Variants in ETF1 observed in about 807,000 individuals in gnomAD.
ETF1 encodes eukaryotic translation termination factor 1.
Under a neutral mutation model 55.1 loss-of-function variants are expected in ETF1, and 4 were observed. That is an observed-to-expected ratio of 0.07 (90% confidence interval 0.04 to 0.17). The LOEUF (loss-of-function observed/expected upper bound fraction) is 0.17, where lower values mean the gene tolerates loss of function less well. Among genes scored for constraint, ETF1 ranks in the 10% least tolerant of loss-of-function variants. The probability of loss-of-function intolerance (pLI) is 1.00; values close to 1 mark genes in which losing one functional copy is unlikely to be tolerated. For missense variants in ETF1, 142 were observed against 523.6 expected, an observed-to-expected ratio of 0.27 and a Z score of 7.11; for synonymous variants, 157 against 182.3, an observed-to-expected ratio of 0.86 and a Z score of 1.12.
intron 2 of ETF1, among the ~76,000 whole-genome samples, chr5:138,537,615 T>A (rs958246634): frequency 6.6e-6 from 1 of 152,164 alleles, no homozygotes; most frequent in African/African-American, 2.4e-5. Flanking sequence ...TGAGATGGAA[T>A]CTTGCTCTGT....
rs1448066661 is a variant in ETF1 at position 138,506,099 on chromosome 5, C to A, written c.*2206G>T. 3 of 152,580 alleles carry A rather than the reference C, an allele frequency of 2.0e-5. No individual in the cohort carries two copies. The highest frequency in any genetic ancestry group is 7.2e-5 in the African/African-American group (3 of 41,430). The allele number at this position is 152,580 out of a possible 1,614,324, so 9.5% of individuals were successfully genotyped here. A position where few individuals can be genotyped will look rare whatever the true frequency, so the allele number is the denominator to read the frequency against. ...AAATCTCAAGCACACAAAGTATATT[C>A]TTAAATATGGTTTAATACTCTTCTC... On this transcript the variant is annotated 3_prime_UTR_variant, in exon 11 of 11. Coordinates refer to ENST00000360541, the MANE Select transcript of ETF1 (RefSeq NM_004730.4).
chr5:138,518,402 G>C (rs1018807909), intron 3 of ETF1, among the ~76,000 whole-genome samples: 2 of 151,846 alleles, frequency 1.3e-5, no homozygotes, highest in Admixed American at 1.3e-4. Context: ...GTAGAGACAG[G>C]GTTTCACACC....
At position 138,542,940 on chromosome 5, in the gene ETF1, G is replaced by A. The variant is rs750592598; in HGVS notation, c.-18-4C>T. 28 of 1,612,758 alleles carry A rather than the reference G, an allele frequency of 1.7e-5. No homozygotes were observed. Among genetic ancestry groups the A allele is most frequent in the Non-Finnish European group, 2.3e-5 (27 of 1,179,586 alleles). ...CCATCTTCTCGCCTCCTCCTCCCTA[G>A]AGCGGCCCGGCGGGGCCCGGAGACA... On this transcript the variant is annotated splice_region_variant and splice_polypyrimidine_tract_variant and intron_variant, in intron 1 of 10. Transcript: ENST00000360541.
chr5:138,519,269 G>C (rs1434526462), intron 2 of ETF1: 29 of 822,498 alleles, frequency 3.5e-5, no homozygotes, highest in Non-Finnish European at 4.3e-5. Context: ...ATGATGCAAT[G>C]AGTCTTTCCA....
chr5:138,537,351 G>A (rs1168267690), intron 2 of ETF1, among the ~76,000 whole-genome samples: 1 of 152,168 alleles, frequency 6.6e-6, no homozygotes, highest in Non-Finnish European at 1.5e-5. Context: ...AAAGGAAAGA[G>A]CTAACATTAC....
At chr5:138,510,539 A>G (rs1174896103) in intron 9 of ETF1, 26 bp downstream of exon 9, 4 of 1,578,866 alleles carry the variant, frequency 2.5e-6, no homozygotes, top group Non-Finnish European at 3.5e-6. Context: ...TGCACGTATC[A>G]TCAAACCAAG....
chr5:138,542,695 G>T, intron 2 of ETF1, 138 bp downstream of exon 2: 1 of 1,487,766 alleles, frequency 6.7e-7, no homozygotes, highest in Non-Finnish European at 8.9e-7. Flanking sequence ...CCTGGGTCAG[G>T]GGCTACTACC....
intron 2 of ETF1, among the ~76,000 whole-genome samples, chr5:138,540,940 T>C (rs951263999): frequency 6.6e-6 from 1 of 152,214 alleles, no homozygotes; most frequent in Admixed American, 6.5e-5. Context: ...TATTAAGCAA[T>C]GTCATCTTCA....
At chr5:138,522,874 C>A (rs1056884322) in intron 2 of ETF1, among the ~76,000 whole-genome samples, 1 of 151,764 alleles carries the variant, frequency 6.6e-6, no homozygotes, top group African/African-American at 2.4e-5. Context: ...GGCGCAGTGG[C>A]AGGCGCCTGT....
intron 2 of ETF1, among the ~76,000 whole-genome samples, chr5:138,536,947 T>C (rs149807719): frequency 5.3e-5 from 8 of 152,202 alleles, no homozygotes; most frequent in Non-Finnish European, 1.2e-4. Context: ...AATTATGTAC[T>C]CTTGCTTACC....
intron 2 of ETF1, among the ~76,000 whole-genome samples, chr5:138,539,700 G>T (rs1412115507): frequency 1.3e-5 from 2 of 152,180 alleles, no homozygotes; most frequent in East Asian, 3.8e-4. Context: ...AGAATGCTAT[G>T]AAGTTCCCCA....
chr5:138,509,125 C>T, intron 9 of ETF1: 4 of 985,202 alleles, frequency 4.1e-6, no homozygotes, highest in Non-Finnish European at 4.8e-6. Context: ...GTTGTAGTGT[C>T]TCTAAGCAGC....
At chr5:138,510,518 G>A (rs762254263) in intron 9 of ETF1, 47 bp downstream of exon 9, 5 of 1,442,060 alleles carry the variant, frequency 3.5e-6, no homozygotes, top group East Asian at 4.5e-5. Context: ...TCTAACACAC[G>A]GATTTACGCT....
chr5:138,533,852 C>T (rs1208839955), intron 2 of ETF1, among the ~76,000 whole-genome samples: 1 of 152,140 alleles, frequency 6.6e-6, no homozygotes, highest in Non-Finnish European at 1.5e-5. Flanking sequence ...CAAAACCAAC[C>T]CTTATGAAGT....
At chr5:138,528,781 A>G (rs978514732) in intron 2 of ETF1, among the ~76,000 whole-genome samples, 1 of 152,142 alleles carries the variant, frequency 6.6e-6, no homozygotes, top group East Asian at 1.9e-4. Context: ...AGATTATTAA[A>G]TGGATGGCTT....
At chr5:138,535,012 C>T (rs1765859339) in intron 2 of ETF1, among the ~76,000 whole-genome samples, 2 of 147,006 alleles carry the variant, frequency 1.4e-5, no homozygotes, top group African/African-American at 2.5e-5. Context: ...ATAGCCCAGG[C>T]TGGTATTGGC....
At chr5:138,542,670 G>A in intron 2 of ETF1, 163 bp downstream of exon 2, 2 of 1,440,856 alleles carry the variant, frequency 1.4e-6, no homozygotes, top group Non-Finnish European at 9.1e-7. Flanking sequence ...CGGGCCAACC[G>A]CGCCGACCCT....
intron 2 of ETF1, among the ~76,000 whole-genome samples, chr5:138,538,228 TGCCCAGG>T (rs1208541789): frequency 7.5e-4 from 108 of 144,314 alleles, no homozygotes; most frequent in African/African-American, 1.3e-3. Context: ...TTCACTCTGT[TGCCCAGG>T]CTGGAGTGCA....
At position 138,510,592 on chromosome 5, in the gene ETF1, C is replaced by G; in HGVS notation, c.1056G>C (p.Lys352Asn). 2 of 1,611,870 alleles carry G rather than the reference C, an allele frequency of 1.2e-6. No individual in the cohort carries two copies. Among genetic ancestry groups the G allele is most frequent in the East Asian group, 4.5e-5 (2 of 44,848 alleles). Residue 352 changes from lysine (K) to asparagine (N), a missense_variant, in exon 9 of 11, where the codon AAG becomes AAC. Lys to Asn is a moderately conservative substitution (Grantham distance 94). Around this residue, in one of 5 missense-constraint regions of ETF1, gnomAD observed 82 missense variants for 232.9 expected, o/e 0.35. Transcript: ENST00000360541. ...CTTTGTCTGTGAAATGAGATTTATC[C>G]TTTTCTTGCTCTGGAGTTAGATAGA... ...KILYLTPEQE[K>N]DKSHFTDKET...
Sources: allele counts gnomAD v4.1 joint callset (sites outside exome capture counted in the v4.1 genomes callset), GRCh38; gene constraint gnomAD v4.1.1; regional missense constraint gnomAD v4.1.1; transcripts MANE v1.5; gene names NCBI Gene and HGNC (gene_info 2026-07-23, HGNC 2026-07-21).